The following MAGI2 variants were observed in gnomAD, a reference collection of about 807,000 sequenced individuals.
The protein encoded by MAGI2 is membrane-associated guanylate kinase, WW and PDZ domain-containing protein 2.
Under a neutral mutation model 133.3 loss-of-function variants are expected in MAGI2, and 35 were observed. That is an observed-to-expected ratio of 0.26 (90% CI 0.20 to 0.35). The LOEUF is 0.35. Ranked by LOEUF, MAGI2 falls within the 10% of genes least tolerant of loss-of-function variation. MAGI2 has a pLI of 1.00. For synonymous variants in MAGI2, 729 were observed against 710.6 expected, an observed-to-expected ratio of 1.03 and a Z score of -0.41; for missense variants, 1,636 against 1,863.4, an observed-to-expected ratio of 0.88 and a Z score of 2.25.
intron 9 of MAGI2, among the ~76,000 whole-genome samples, chr7:78,311,988 C>G (rs1225808315): frequency 6.6e-6 from 1 of 152,036 alleles, no homozygotes; most frequent in African/African-American, 2.4e-5. Flanking sequence ...CCAGGTTGGT[C>G]TCCAATTCCT....
At chr7:78,970,898 G>C (rs1278881492) in intron 2 of MAGI2, among the ~76,000 whole-genome samples, 1 of 152,030 alleles carries the variant, frequency 6.6e-6, no homozygotes, top group Non-Finnish European at 1.5e-5. Context: ...CTAACACTGT[G>C]ATGCATTTTG....
intron 2 of MAGI2, among the ~76,000 whole-genome samples, chr7:78,651,862 A>G (rs1811611268): frequency 6.6e-6 from 1 of 152,110 alleles, no homozygotes; most frequent in Admixed American, 6.6e-5. Flanking sequence ...AGAAAATACA[A>G]CAACAAAGAC....
chr7:78,229,184 C>G (rs964835190), intron 10 of MAGI2, among the ~76,000 whole-genome samples: 4 of 152,244 alleles, frequency 2.6e-5, no homozygotes, highest in African/African-American at 9.6e-5. Context: ...CTCTAACTGC[C>G]AACACCAGCC....
chr7:79,154,900 C>T (rs1222414651), intron 1 of MAGI2, among the ~76,000 whole-genome samples: 2 of 152,216 alleles, frequency 1.3e-5, no homozygotes, highest in African/African-American at 4.8e-5. Flanking sequence ...ACAACAAAAA[C>T]ACCTGTTTTG....
At chr7:78,914,224 G>T (rs1169268443) in intron 2 of MAGI2, among the ~76,000 whole-genome samples, 1 of 152,006 alleles carries the variant, frequency 6.6e-6, no homozygotes, top group African/African-American at 2.4e-5. Context: ...CACAGATAAA[G>T]GATTCAATAA....
chr7:79,369,521 C>G (rs1013742339), intron 1 of MAGI2, among the ~76,000 whole-genome samples: 4 of 152,186 alleles, frequency 2.6e-5, no homozygotes, highest in African/African-American at 9.6e-5. Context: ...ATGCAAGAAG[C>G]TCCCATGATG....
At chr7:78,322,824 A>G (rs1169422378) in intron 9 of MAGI2, among the ~76,000 whole-genome samples, 1 of 152,112 alleles carries the variant, frequency 6.6e-6, no homozygotes, top group African/African-American at 2.4e-5. Flanking sequence ...GTATATGAAT[A>G]TTAGTAACTC....
chr7:78,670,155 T>C (rs980386328), intron 2 of MAGI2, among the ~76,000 whole-genome samples: 4 of 151,850 alleles, frequency 2.6e-5, no homozygotes, highest in African/African-American at 9.7e-5. Flanking sequence ...GATGACATGA[T>C]TGTATATCTA....
chr7:79,127,528 A>G (rs1562920150), intron 1 of MAGI2, among the ~76,000 whole-genome samples: 1 of 151,958 alleles, frequency 6.6e-6, no homozygotes, highest in African/African-American at 2.4e-5. Context: ...TGTGGTTTTG[A>G]TTTGCATTTC....
chr7:78,035,689 C>T (rs1810139984), intron 21 of MAGI2, among the ~76,000 whole-genome samples: 1 of 151,988 alleles, frequency 6.6e-6, no homozygotes, highest in Admixed American at 6.5e-5. Context: ...TCAGCCCAGC[C>T]TGTATTCTGC....
intron 6 of MAGI2, among the ~76,000 whole-genome samples, chr7:78,403,048 C>T (rs556600298): frequency 1.3e-5 from 2 of 152,176 alleles, no homozygotes; most frequent in South Asian, 4.2e-4. Flanking sequence ...ATGTGCACAA[C>T]GTGCAGGTTT....
At chr7:78,287,289 A>G (rs910162301) in intron 9 of MAGI2, among the ~76,000 whole-genome samples, 1 of 152,206 alleles carries the variant, frequency 6.6e-6, no homozygotes, top group Admixed American at 6.5e-5. Flanking sequence ...AGAGAGAAGG[A>G]GAAATTTTGA....
intron 1 of MAGI2, among the ~76,000 whole-genome samples, chr7:79,044,619 A>C (rs538784951): frequency 2.0e-3 from 303 of 151,964 alleles, no homozygotes; most frequent in Non-Finnish European, 3.1e-3. Flanking sequence ...AATAGGAAGA[A>C]AGGAAGTCAA....
At chr7:79,141,528 A>G (rs1019105041) in intron 1 of MAGI2, among the ~76,000 whole-genome samples, 2 of 152,154 alleles carry the variant, frequency 1.3e-5, no homozygotes, top group Non-Finnish European at 2.9e-5. Context: ...ATAATGATGC[A>G]CACCATTGTT....
chr7:78,114,277 T>C (rs1819644822), intron 20 of MAGI2, among the ~76,000 whole-genome samples: 2 of 152,294 alleles, frequency 1.3e-5, no homozygotes, highest in East Asian at 3.9e-4. Flanking sequence ...TCTTAGGTGA[T>C]TGAAATAAAT....
chr7:78,292,579 A>G (rs1796829420), intron 9 of MAGI2, among the ~76,000 whole-genome samples: 1 of 152,234 alleles, frequency 6.6e-6, no homozygotes. Context: ...ATTGGAAAAA[A>G]CTATTTTAAA....
intron 1 of MAGI2, chr7:79,413,593 G>C (rs1019563956): frequency 6.6e-6 from 1 of 152,096 alleles, no homozygotes; most frequent in African/African-American, 2.4e-5. Flanking sequence ...CACATAATGA[G>C]AAAAGAGCCA....
intron 5 of MAGI2, among the ~76,000 whole-genome samples, chr7:78,492,271 C>T (rs1348329192): frequency 2.0e-5 from 3 of 152,012 alleles, no homozygotes; most frequent in African/African-American, 4.8e-5. Flanking sequence ...CCAGTATTAA[C>T]GGTGTGTCAC....
chr7:78,332,029 GA>G (rs1789258559), intron 9 of MAGI2, among the ~76,000 whole-genome samples: 1 of 152,154 alleles, frequency 6.6e-6, no homozygotes, highest in South Asian at 2.1e-4. Context: ...AAAAAAATGT[GA>G]AGTAGCACAC....
Sources: gnomAD v4.1 joint callset for allele counts (sites outside exome capture counted in the v4.1 genomes callset) on GRCh38, gnomAD v4.1.1 for gene constraint, MANE v1.5 for transcripts, NCBI Gene and HGNC (gene_info 2026-07-23, HGNC 2026-07-21) for gene names.